Variants in PKD1 observed in about 807,000 individuals in gnomAD.
PKD1 encodes the protein polycystin-1.
In PKD1, 81 loss-of-function variants were observed where a neutral mutation model predicts 361.7. The observed-to-expected ratio is 0.22, with a 90% CI of 0.19 to 0.27. PKD1 has a LOEUF of 0.27. Among genes scored for constraint, PKD1 ranks in the 10% least tolerant of loss-of-function variants. PKD1 has a pLI of 1.00. For synonymous variants in PKD1, 3,615 were observed against 2,818.3 expected (o/e 1.28, Z -8.95); for missense variants, 6,399 against 6,118.3 (o/e 1.05, Z -1.53).
At position 2,135,669 on chromosome 16, in the gene PKD1, G is replaced by A. The variant is rs1409815149; in HGVS notation, c.21C>T (p.Ala7=). MPPAAP[A]RLALALGLGL... ...CCAGGCCCAGGGCCAGCGCCAGGCG[G>A]GCGGGCGCGGCGGGCGGCATCGTTA... The change falls in exon 1 of 46, where the codon GCC becomes GCT. Residue 7 remains alanine, a synonymous_variant. Transcript: ENST00000262304. 3 of 745,996 alleles carry A rather than the reference G, an allele frequency of 4.0e-6. No individual in the cohort carries two copies. The highest frequency in any genetic ancestry group is 1.3e-4 in the East Asian group (1 of 7,712). The allele number at this position is 745,996 out of a possible 1,614,324, so 46.2% of individuals were successfully genotyped here.
At chr16:2,096,647 C>T (rs1456146058) in intron 34 of PKD1, among the ~76,000 whole-genome samples, 1 of 152,184 alleles carries the variant, frequency 6.6e-6, no homozygotes, top group Non-Finnish European at 1.5e-5. Context: ...TCCCGAGTAA[C>T]TGGGACTACA....
Position 2,091,055 on chromosome 16 carries a change from C to G in PKD1, c.11832G>C (p.Leu3944=). ...GGCGTACCAGTGCCGTGGCCGCCGT[C>G]AGCGCCACCAGCAGCCACCGCGCCC... ...GAWARWLLVA[L]TAATALVRLA... is the part of the protein sequence containing the mutation. Residue 3944 remains leucine (L), a synonymous_variant, in exon 43 of 46, where the codon CTG becomes CTC. Coordinates refer to ENST00000262304, the MANE Select transcript of PKD1 (RefSeq NM_001009944.3). 2.6e-6 allele frequency: 4 copies of G among 1,521,752 alleles called. No individual in the cohort carries two copies. Among genetic ancestry groups the G allele is most frequent in the Non-Finnish European group, 2.6e-6 (3 of 1,140,160 alleles). The allele number at this position is 1,521,752 out of a possible 1,614,324, so 94.3% of individuals were successfully genotyped here. A position where few individuals can be genotyped will look rare whatever the true frequency, so the allele number is the denominator to read the frequency against.
rs2092681444 is a variant in PKD1 at position 2,118,961 on chromosome 16, C to G, written c.360-116G>C. ...GACAGCACCGCCTCCCCTGCCCCAACCAAGCCGGCACTGGGGGGCTCCAAG... is the reference window on the plus strand; with the variant it reads ...GACAGCACCGCCTCCCCTGCCCCAAGCAAGCCGGCACTGGGGGGCTCCAAG... On this transcript the variant is annotated intron_variant, in intron 3 of 45. Transcript: ENST00000262304. The surrounding 1 kb of genome is among the most constrained non-coding windows in gnomAD (Gnocchi z 6.0). 1 of 791,986 alleles carries G rather than the reference C, an allele frequency of 1.3e-6. No individual in the cohort carries two copies. Among genetic ancestry groups the G allele is most frequent in the Non-Finnish European group, 2.1e-6 (1 of 478,704 alleles). 49.1% of individuals were successfully genotyped at this position (791,986 alleles called of 1,614,324 possible). A position where few individuals can be genotyped will look rare whatever the true frequency, so the allele number is the denominator to read the frequency against.
At chr16:2,113,467 C>T (rs112282112) in intron 11 of PKD1, 175 bp from the exon 12 acceptor site, 40 of 718,082 alleles carry the variant, frequency 5.6e-5, no homozygotes, top group Non-Finnish European at 5.8e-5. Flanking sequence ...ACTCACTGTC[C>T]GGCTCTCCAG....
At chr16:2,115,079 C>T in intron 10 of PKD1, 154 bp from the exon 11 acceptor site, 1 of 985,146 alleles carries the variant, frequency 1.0e-6, no homozygotes, top group Non-Finnish European at 1.2e-6. Flanking sequence ...ACAGGCAGGA[C>T]AGTTGCAGAC....
chr16:2,105,658 G>A (rs539110445), intron 20 of PKD1, 184 bp from the exon 21 acceptor site: 89 of 1,448,412 alleles, frequency 6.1e-5, no homozygotes, highest in Admixed American at 3.0e-4. Flanking sequence ...CCTCCTGGGC[G>A]GGGGCTGCAT....
At position 2,090,491 on chromosome 16, in the gene PKD1, A is replaced by C; in HGVS notation, c.12238T>G (p.Trp4080Gly). ...GLSTLCPAES[W>G]HLSPLLCVGL... is the part of the protein sequence containing the mutation. ...ACACACAGCAGGGGTGACAGGTGCC[A>C]GGACTCGGCAGGACACAGGGTAGAG... is the stretch of plus-strand genomic sequence containing the variant. The change falls in exon 45 of 46, where the codon TGG becomes GGG. Residue 4080 changes from tryptophan to glycine, a missense_variant. Coordinates refer to ENST00000262304, the MANE Select transcript of PKD1 (RefSeq NM_001009944.3). 6.2e-7 allele frequency: 1 copy of C among 1,611,736 alleles called. No individual in the cohort carries two copies. Among genetic ancestry groups the C allele is most frequent in the Non-Finnish European group, 8.5e-7 (1 of 1,179,610 alleles).
intron 22 of PKD1, among the ~76,000 whole-genome samples, 165 bp downstream of exon 22, chr16:2,104,333 G>A (rs1364860990): frequency 1.2e-5 from 1 of 85,994 alleles, no homozygotes; most frequent in Non-Finnish European, 2.4e-5. Flanking sequence ...AAGGGGGAGG[G>A]GGAGGAGAAT....
rs144187252 is a variant in PKD1 at position 2,125,692 on chromosome 16, G to A, written c.216-6314C>T. On this transcript the variant is annotated intron_variant, in intron 1 of 45. Transcript: ENST00000262304. ...ACCTGTGGGGTGTAGGAAGGAGAGC[G>A]CTTCATACGTATGCTACCTGCCGCT... 4.9e-4 allele frequency among the ~76,000 whole-genome samples: 74 copies of A among 151,936 alleles called. 1 individual carries two copies. The highest frequency in any genetic ancestry group is 1.6e-3 in the African/African-American group (66 of 41,304).
At chr16:2,133,611 G>A (rs1203780848) in intron 1 of PKD1, among the ~76,000 whole-genome samples, 1 of 152,040 alleles carries the variant, frequency 6.6e-6, no homozygotes, top group African/African-American at 2.4e-5. Flanking sequence ...TGGCCTGGGG[G>A]GCCAGCCAGG....
intron 1 of PKD1, among the ~76,000 whole-genome samples, chr16:2,132,636 T>C (rs536033938): frequency 8.6e-5 from 13 of 151,316 alleles, no homozygotes; most frequent in East Asian, 1.9e-4. Context: ...TGGACCTTAT[T>C]TGGCTCTTAA....
At chr16:2,104,232 G>A (rs1290466573) in intron 22 of PKD1, among the ~76,000 whole-genome samples, 4 of 40,044 alleles carry the variant, frequency 1.0e-4, no homozygotes, top group Admixed American at 1.9e-4. Flanking sequence ...GGGGGATGAG[G>A]AAGATGAGGG....
At chr16:2,130,449 T>A (rs575151498) in intron 1 of PKD1, among the ~76,000 whole-genome samples, 38 of 152,196 alleles carry the variant, frequency 2.5e-4, no homozygotes, top group Admixed American at 1.6e-3. Flanking sequence ...CTCCCCATCA[T>A]CCATCTCTGT....
chr16:2,099,427 A>G (rs551196704), intron 30 of PKD1: 505 of 653,316 alleles, frequency 7.7e-4, no homozygotes, highest in Middle Eastern at 2.0e-3. Flanking sequence ...TCTGCTTAGC[A>G]AAGTGCCCTC....
chr16:2,097,784 AGAG>A lies in PKD1; in HGVS notation c.10168-7_10168-5del. ...TCATCTGTCCAACAAAGGCCTGCTG[AGAG>A]GTGCACAGTGTCTTGAGTCCAAGCT... On this transcript the variant is annotated splice_region_variant and splice_polypyrimidine_tract_variant and intron_variant, in intron 31 of 45. Coordinates refer to ENST00000262304, the MANE Select transcript of PKD1 (RefSeq NM_001009944.3). The A allele has an allele frequency of 6.2e-7, 1 of 1,611,472 alleles. No homozygotes were observed. The highest frequency in any genetic ancestry group is 8.5e-7 in the Non-Finnish European group (1 of 1,179,900).
In PKD1 at chr16:2,091,501, G is replaced by A. The variant is rs1487870451; in HGVS notation, c.11634C>T (p.Arg3878=). Reference sequence around the variant, plus strand: ...GGCGGACGCTGAGGGCGGCCAGGGCGCGGCCGGCCGCCGGGAACTCGAGGC... The same window carrying A: ...GGCGGACGCTGAGGGCGGCCAGGGCACGGCCGGCCGCCGGGAACTCGAGGC... ...TLRLEFPAAG[R]ALAALSVRPF... Residue 3878 remains arginine (R), a synonymous_variant, in exon 42 of 46, where the codon CGC becomes CGT. Transcript: ENST00000262304. 3.5e-6 allele frequency: 5 copies of A among 1,424,882 alleles called. No homozygotes were observed. Among genetic ancestry groups the A allele is most frequent in the East Asian group, 3.0e-5 (1 of 32,950 alleles). The allele number at this position is 1,424,882 out of a possible 1,614,324, so 88.3% of individuals were successfully genotyped here. A position where few individuals can be genotyped will look rare whatever the true frequency, so the allele number is the denominator to read the frequency against.
chr16:2,098,241 C>T (rs1030199856), intron 30 of PKD1: 19 of 547,752 alleles, frequency 3.5e-5, no homozygotes, highest in South Asian at 2.0e-4. Flanking sequence ...GATGGAGTCT[C>T]GCTGTCACCC....
chr16:2,093,417 C>A, intron 37 of PKD1, 127 bp downstream of exon 37: 1 of 914,730 alleles, frequency 1.1e-6, no homozygotes, highest in Middle Eastern at 3.4e-4. Flanking sequence ...GCAAAGGCTG[C>A]AGAGCATTGA....
intron 1 of PKD1, among the ~76,000 whole-genome samples, chr16:2,131,105 T>G: frequency 6.6e-6 from 1 of 151,978 alleles, no homozygotes; most frequent in Non-Finnish European, 1.5e-5. Context: ...ACCACGGAGG[T>G]GACACCATGG....
Sources: allele counts gnomAD v4.1 joint callset (sites outside exome capture counted in the v4.1 genomes callset), GRCh38; gene constraint gnomAD v4.1.1; non-coding constraint Gnocchi (gnomAD v3.1); transcripts MANE v1.5; gene names NCBI Gene and HGNC (gene_info 2026-07-23, HGNC 2026-07-21).